Variants in SLC12A2 observed in about 807,000 individuals in gnomAD.
SLC12A2 encodes Na-K-2Cl cotransporter 1.
A neutral mutation model predicts 136.3 loss-of-function variants in SLC12A2; 67 were observed. The ratio of observed to expected loss-of-function variants is 0.49; its 90% CI spans 0.40 to 0.60. The LOEUF is 0.60. SLC12A2 is among the 20% of genes least tolerant of loss of function. SLC12A2 has a pLI of 0.00. For missense variants in SLC12A2, 1,322 were observed against 1,534.7 expected (o/e 0.86, Z 2.32); for synonymous variants, 619 against 562.9 (o/e 1.10, Z -1.41).
At chr5:128,142,037 A>G (rs1198947176) in intron 10 of SLC12A2, 56 bp downstream of exon 10, 3 of 1,397,630 alleles carry the variant, frequency 2.1e-6, no homozygotes, top group East Asian at 2.3e-5. Flanking sequence ...GGGTGAGACT[A>G]CTATCAAATA....
chr5:128,120,337 G>GGGTATAT (rs1332007659), intron 4 of SLC12A2, among the ~76,000 whole-genome samples: 406 of 117,106 alleles, frequency 3.5e-3, no homozygotes, highest in East Asian at 8.9e-3. Context: ...AATACCATTT[G>GGGTATAT]ACCCAGCCAT....
At chr5:128,118,120 G>T (rs115852688) in intron 4 of SLC12A2, among the ~76,000 whole-genome samples, 2,826 of 152,250 alleles carry the variant, frequency 0.019, 77 homozygotes, top group African/African-American at 0.061. Context: ...ACTGTTGGTG[G>T]AAATGTAAAC....
chr5:128,153,997 A>C (rs1283453839), intron 15 of SLC12A2, among the ~76,000 whole-genome samples: 1 of 151,990 alleles, frequency 6.6e-6, no homozygotes, highest in Admixed American at 6.5e-5. Flanking sequence ...ATTTTATGTA[A>C]AAAGTTGTAT....
intron 4 of SLC12A2, among the ~76,000 whole-genome samples, chr5:128,120,689 T>G (rs1761531612): frequency 6.6e-6 from 1 of 151,400 alleles, no homozygotes; most frequent in African/African-American, 2.4e-5. Flanking sequence ...AAGGGGAACA[T>G]CACACTCTGG....
intron 1 of SLC12A2, among the ~76,000 whole-genome samples, chr5:128,095,753 C>T (rs963787772): frequency 4.6e-5 from 7 of 151,926 alleles, no homozygotes; most frequent in African/African-American, 1.5e-4. Context: ...GCCAATTCTT[C>T]CAGTATGGCC....
chr5:128,184,971 GAGGAAAAAAC>G lies in SLC12A2; in HGVS notation c.3503+117_3503+126del, dbSNP rs1414684454. On this transcript the variant is annotated intron_variant, in intron 26 of 26. Coordinates refer to ENST00000262461, the MANE Select transcript of SLC12A2 (RefSeq NM_001046.3). ...CCCATATTGACTTAGTGGTTATAAG[GAGGAAAAAAC>G]AAACTTGTAAAAATATACTATGCTT... is the stretch of plus-strand genomic sequence containing the variant. 3.3e-6 allele frequency: 3 copies of G among 920,510 alleles called. No individual in the cohort carries two copies. The African/African-American group carries it at 5.1e-5, about 16-fold the overall frequency. 57.0% of individuals were successfully genotyped at this position (920,510 alleles called of 1,614,324 possible).
chr5:128,157,423 A>G (rs1284316469), intron 15 of SLC12A2, among the ~76,000 whole-genome samples: 1 of 152,216 alleles, frequency 6.6e-6, no homozygotes, highest in Non-Finnish European at 1.5e-5. Context: ...TAGTTCAAGT[A>G]GAAATCTTTT....
At chr5:128,086,030 T>C (rs975968550) in intron 1 of SLC12A2, among the ~76,000 whole-genome samples, 9 of 152,210 alleles carry the variant, frequency 5.9e-5, no homozygotes, top group African/African-American at 2.2e-4. Context: ...TCAAAAATCA[T>C]TGTAGACAAA....
intron 17 of SLC12A2, 116 bp downstream of exon 17, chr5:128,161,916 T>C: frequency 1.4e-6 from 1 of 702,716 alleles, no homozygotes; most frequent in Non-Finnish European, 2.1e-6. Context: ...TCTTTTTTTA[T>C]GTCTTTATTA....
intron 4 of SLC12A2, among the ~76,000 whole-genome samples, chr5:128,123,729 G>GTA (rs757780501): frequency 2.6e-5 from 4 of 152,124 alleles, no homozygotes; most frequent in Non-Finnish European, 5.9e-5. Flanking sequence ...TTTGTCTTGA[G>GTA]TATATGGCTT....
intron 11 of SLC12A2, 139 bp downstream of exon 11, chr5:128,147,868 A>T: frequency 4.4e-6 from 2 of 451,408 alleles, no homozygotes; most frequent in Non-Finnish European, 3.9e-6. Flanking sequence ...GCACATAAAG[A>T]TATACATAGT....
chr5:128,128,408 G>A (rs1020639313), intron 4 of SLC12A2, among the ~76,000 whole-genome samples: 2 of 152,000 alleles, frequency 1.3e-5, no homozygotes, highest in African/African-American at 2.4e-5. Context: ...GGTAGTTTAT[G>A]ACCAATTATG....
At chr5:128,179,613 A>G (rs1763638474) in intron 22 of SLC12A2, among the ~76,000 whole-genome samples, 1 of 152,186 alleles carries the variant, frequency 6.6e-6, no homozygotes, top group Non-Finnish European at 1.5e-5. Flanking sequence ...GAACAGGCAC[A>G]TCACATGATG....
At chr5:128,119,604 A>G (rs908270789) in intron 4 of SLC12A2, among the ~76,000 whole-genome samples, 2 of 152,186 alleles carry the variant, frequency 1.3e-5, no homozygotes, top group Non-Finnish European at 2.9e-5. Flanking sequence ...TACCAGTACC[A>G]TGCTGTTTTG....
At chr5:128,183,654 A>G (rs963248137) in intron 24 of SLC12A2, among the ~76,000 whole-genome samples, 5 of 151,848 alleles carry the variant, frequency 3.3e-5, no homozygotes, top group African/African-American at 1.2e-4. Context: ...TTAATTTTGC[A>G]TTTCCTTAAA....
At chr5:128,094,406 A>G (rs1380090178) in intron 1 of SLC12A2, among the ~76,000 whole-genome samples, 1 of 151,996 alleles carries the variant, frequency 6.6e-6, no homozygotes, top group Non-Finnish European at 1.5e-5. Context: ...TTTAAGACCC[A>G]AAAGAACTAA....
Position 128,083,859 on chromosome 5 carries a change from G to T in SLC12A2, c.-96G>T, listed in dbSNP as rs1352949623. ...GCGGGGAGAAAGACTCTCTCACCTGGTCTTGCGGCTGTGGCCACCGCCGGC... is the reference window on the plus strand; with the variant it reads ...GCGGGGAGAAAGACTCTCTCACCTGTTCTTGCGGCTGTGGCCACCGCCGGC... On this transcript the variant is annotated 5_prime_UTR_variant, in exon 1 of 27. Coordinates refer to ENST00000262461, the MANE Select transcript of SLC12A2 (RefSeq NM_001046.3). 2.2e-6 allele frequency: 2 copies of T among 923,092 alleles called. No homozygotes were observed. The highest frequency in any genetic ancestry group is 3.4e-5 in the African/African-American group (2 of 58,138). 57.2% of individuals were successfully genotyped at this position (923,092 alleles called of 1,614,324 possible).
intron 18 of SLC12A2, chr5:128,168,553 T>TGTG: frequency 6.6e-6 from 1 of 152,272 alleles, no homozygotes; most frequent in South Asian, 2.1e-4. Flanking sequence ...TTACATTTAT[T>TGTG]GTGGACTTTA....
chr5:128,097,216 T>TAGA (rs10649697), intron 1 of SLC12A2, among the ~76,000 whole-genome samples: 124,872 of 151,698 alleles, frequency 0.82, 52,045 homozygotes, highest in African/African-American at 0.95. Context: ...GAAAGTAATA[T>TAGA]AAGTTTGAGA....
Sources: gnomAD v4.1 joint callset for allele counts (sites outside exome capture counted in the v4.1 genomes callset) on GRCh38, gnomAD v4.1.1 for gene constraint, MANE v1.5 for transcripts, NCBI Gene and HGNC (gene_info 2026-07-23, HGNC 2026-07-21) for gene names.